Variants in ADAMTSL3 observed in about 807,000 individuals in gnomAD.
ADAMTSL3 encodes the protein ADAMTS like 3, also known as ADAMTS-like protein 3.
A neutral mutation model predicts 201.7 loss-of-function variants in ADAMTSL3; 128 were observed. That is an observed-to-expected ratio of 0.63 (90% CI 0.55 to 0.73). The LOEUF is 0.73. Among genes scored for constraint, ADAMTSL3 ranks in the 30% least tolerant of loss-of-function variants. ADAMTSL3 has a pLI of 0.00. For missense variants in ADAMTSL3, 1,990 were observed against 2,119.6 expected, an observed-to-expected ratio of 0.94 and a Z score of 1.20; for synonymous variants, 738 against 748.4, an observed-to-expected ratio of 0.99 and a Z score of 0.23.
intron 8 of ADAMTSL3, among the ~76,000 whole-genome samples, chr15:83,864,464 C>A (rs973345253): frequency 3.4e-4 from 52 of 152,302 alleles, no homozygotes; most frequent in South Asian, 1.0e-3. Flanking sequence ...TCAACATACG[C>A]AAATCAATAA....
At chr15:83,914,690 C>T (rs1335065933) in intron 16 of ADAMTSL3, among the ~76,000 whole-genome samples, 1 of 152,196 alleles carries the variant, frequency 6.6e-6, no homozygotes, top group African/African-American at 2.4e-5. Context: ...TTTAGTTGAA[C>T]CTTAAACATC....
chr15:83,763,278 C>T (rs903319681), intron 3 of ADAMTSL3, among the ~76,000 whole-genome samples: 1 of 152,184 alleles, frequency 6.6e-6, no homozygotes, highest in Non-Finnish European at 1.5e-5. Context: ...CGAATCCTCA[C>T]AGTGGCTGGA....
At chr15:83,764,360 G>C (rs1472943321) in intron 3 of ADAMTSL3, among the ~76,000 whole-genome samples, 4 of 152,062 alleles carry the variant, frequency 2.6e-5, no homozygotes, top group African/African-American at 4.8e-5. Flanking sequence ...GCTTCTCTTT[G>C]CCCTCCAGAT....
rs568036125 is a variant in ADAMTSL3 at position 83,910,859 on chromosome 15, C to A, written c.1701-2233C>A. ...TTCGCCATGTTGGCCAGGCTAGTCT[C>A]GAACTCCTGACCTCAGGTGATTCGC... On this transcript the variant is annotated intron_variant, in intron 15 of 29. Transcript: ENST00000286744. 2.0e-5 allele frequency among the ~76,000 whole-genome samples: 3 copies of A among 150,994 alleles called. No individual in the cohort carries two copies. The South Asian group carries it at 6.3e-4, about 32-fold the overall frequency.
chr15:83,980,774 T>C lies in ADAMTSL3; in HGVS notation c.2645-1499T>C, dbSNP rs562985041. ...CACAGAAATTATGGGTTCACCTCCA[T>C]TGTTTCCCTGAACCTGTTGACACCA... On this transcript the variant is annotated intron_variant, in intron 20 of 29. Transcript: ENST00000286744. Among the ~76,000 whole-genome samples, 184 of 152,326 alleles carry C rather than the reference T, an allele frequency of 1.2e-3. 1 individual carries two copies. Among genetic ancestry groups the C allele is most frequent in the African/African-American group, 4.1e-3 (169 of 41,586 alleles).
At chr15:83,985,432 G>T (rs2067457647) in intron 21 of ADAMTSL3, among the ~76,000 whole-genome samples, 2 of 151,916 alleles carry the variant, frequency 1.3e-5, no homozygotes, top group South Asian at 4.2e-4. Context: ...TCATAGTGTG[G>T]ACTTTTTTGT....
At chr15:83,962,273 A>C (rs2066988038) in intron 19 of ADAMTSL3, 1 of 152,158 alleles carries the variant, frequency 6.6e-6, no homozygotes, top group African/African-American at 2.4e-5. Context: ...TAACTTACCC[A>C]GTCTTGGGTA....
chr15:84,016,444 G>A lies in ADAMTSL3; in HGVS notation c.4218G>A (p.Gln1406=). 6.2e-7 allele frequency: 1 copy of A among 1,613,948 alleles called. No individual in the cohort carries two copies. The highest frequency in any genetic ancestry group is 8.5e-7 in the Non-Finnish European group (1 of 1,179,966). ...AAGGACATAAAAAGTACATTCTCCA[G>A]GCAACCAACACTAGAACCAACAGCA... is the stretch of plus-strand genomic sequence containing the variant. ...FLQGHKKYIL[Q]ATNTRTNSND... Residue 1406 remains glutamine, a synonymous_variant, in exon 25 of 30, where the codon CAG becomes CAA. Coordinates refer to ENST00000286744, the MANE Select transcript of ADAMTSL3 (RefSeq NM_207517.3).
intron 27 of ADAMTSL3, among the ~76,000 whole-genome samples, chr15:84,029,552 G>A (rs1418216190): frequency 6.6e-6 from 1 of 152,144 alleles, no homozygotes; most frequent in Non-Finnish European, 1.5e-5. Context: ...GAGATGACTT[G>A]GAATTGGAAC....
chr15:84,038,866 T>C lies in ADAMTSL3; in HGVS notation c.*1060T>C, dbSNP rs1176313005. 6.6e-6 allele frequency: 1 copy of C among 152,192 alleles called. No individual in the cohort carries two copies. Among genetic ancestry groups the C allele is most frequent in the African/African-American group, 2.4e-5 (1 of 41,440 alleles). 9.4% of individuals were successfully genotyped at this position (152,192 alleles called of 1,614,324 possible). A position where few individuals can be genotyped will look rare whatever the true frequency, so the allele number is the denominator to read the frequency against. On this transcript the variant is annotated 3_prime_UTR_variant, in exon 30 of 30. Transcript: ENST00000286744. ...AAAGGGTAAGGGTTAGTTTCAGTTTTAGGATTAGAGCTAGAATTGGGTTAG... is the reference window on the plus strand; with the variant it reads ...AAAGGGTAAGGGTTAGTTTCAGTTTCAGGATTAGAGCTAGAATTGGGTTAG...
intron 7 of ADAMTSL3, among the ~76,000 whole-genome samples, chr15:83,849,879 C>T (rs551670218): frequency 1.5e-4 from 23 of 152,052 alleles, no homozygotes; most frequent in Non-Finnish European, 2.5e-4. Flanking sequence ...AAAGAAAAAT[C>T]CCCTGTAGTT....
rs575224928 is a variant in ADAMTSL3 at position 83,777,911 on chromosome 15, GT to G, written c.317+4262del. On this transcript the variant is annotated intron_variant, in intron 4 of 29. Coordinates refer to ENST00000286744, the MANE Select transcript of ADAMTSL3 (RefSeq NM_207517.3). The stretch of plus-strand genomic sequence containing the variant: ...CTGGAACTGGCAGACCAAATAACTA[GT>G]ATAGGAGTGTGTAACTGAACTGAGA... 5.8e-4 allele frequency among the ~76,000 whole-genome samples: 88 copies of G among 152,252 alleles called. No homozygotes were observed. In the South Asian group the frequency reaches 0.016, roughly 28 times the overall value.
intron 10 of ADAMTSL3, among the ~76,000 whole-genome samples, chr15:83,889,616 A>G (rs929303207): frequency 1.3e-5 from 2 of 152,192 alleles, no homozygotes; most frequent in African/African-American, 4.8e-5. Flanking sequence ...GGGAGTGTCA[A>G]TAAGGGAAGA....
intron 19 of ADAMTSL3, among the ~76,000 whole-genome samples, chr15:83,947,172 C>A (rs1596453825): frequency 6.6e-6 from 1 of 152,180 alleles, no homozygotes; most frequent in East Asian, 1.9e-4. Flanking sequence ...GTCCTTCTGC[C>A]ATGGGATGGC....
At chr15:83,686,195 G>A (rs1301641914) in intron 2 of ADAMTSL3, among the ~76,000 whole-genome samples, 1 of 152,196 alleles carries the variant, frequency 6.6e-6, no homozygotes, top group Non-Finnish European at 1.5e-5. Flanking sequence ...TTAAAGAAGG[G>A]TATAGACCGG....
chr15:83,727,352 G>A (rs2062194867), intron 3 of ADAMTSL3, among the ~76,000 whole-genome samples: 1 of 151,082 alleles, frequency 6.6e-6, no homozygotes, highest in Non-Finnish European at 1.5e-5. Context: ...TTGTTTCATT[G>A]ATTTTTTTTG....
chr15:83,944,194 G>T (rs913661382), intron 19 of ADAMTSL3, among the ~76,000 whole-genome samples: 2 of 152,132 alleles, frequency 1.3e-5, no homozygotes, highest in African/African-American at 4.8e-5. Flanking sequence ...GATAAGAAGG[G>T]ACTATTGTAT....
chr15:83,700,561 C>T (rs1288876140), intron 2 of ADAMTSL3, among the ~76,000 whole-genome samples: 13 of 152,100 alleles, frequency 8.5e-5, no homozygotes, highest in Non-Finnish European at 1.5e-4. Context: ...ATTAGGTGTT[C>T]GAGACCAGCC....
intron 19 of ADAMTSL3, among the ~76,000 whole-genome samples, chr15:83,949,861 AT>A (rs923732372): frequency 2.7e-5 from 4 of 150,814 alleles, no homozygotes; most frequent in African/African-American, 9.8e-5. Flanking sequence ...GGATTATTAG[AT>A]TTTTTTTTCC....
Sources: gnomAD v4.1 joint callset for allele counts (sites outside exome capture counted in the v4.1 genomes callset) on GRCh38, gnomAD v4.1.1 for gene constraint, MANE v1.5 for transcripts, NCBI Gene and HGNC (gene_info 2026-07-23, HGNC 2026-07-21) for gene names.